Variants in PAFAH1B3 observed in about 807,000 individuals in gnomAD.
PAFAH1B3 encodes platelet-activating factor acetylhydrolase IB subunit alpha1.
Under a neutral mutation model 24.4 loss-of-function variants are expected in PAFAH1B3, and 15 were observed. The observed-to-expected ratio is 0.62, with a 90% CI of 0.41 to 0.95. The LOEUF is 0.95. Ranked by LOEUF, PAFAH1B3 falls within the 40% of genes least tolerant of loss-of-function variation. The pLI is 0.00. For missense variants in PAFAH1B3, 266 were observed against 312.2 expected, an observed-to-expected ratio of 0.85 and a Z score of 1.12; for synonymous variants, 144 against 126.5, an observed-to-expected ratio of 1.14 and a Z score of -0.93.
chr19:42,302,126 G>T, intron 1 of PAFAH1B3, 87 bp from the exon 2 acceptor site: 1 of 1,489,524 alleles, frequency 6.7e-7, no homozygotes, highest in Non-Finnish European at 9.2e-7. Flanking sequence ...CTCCTCAACT[G>T]CCCTCAGTTT....
intron 4 of PAFAH1B3, 179 bp downstream of exon 4, chr19:42,299,791 G>A: frequency 1.2e-6 from 1 of 817,126 alleles, no homozygotes; most frequent in Admixed American, 2.4e-5. Flanking sequence ...AGGCTAATTG[G>A]TCTCGGAGCA....
intron 2 of PAFAH1B3, 105 bp downstream of exon 2, chr19:42,301,845 C>T: frequency 1.1e-6 from 1 of 873,934 alleles, no homozygotes; most frequent in Non-Finnish European, 1.8e-6. Context: ...TGCCTGAGGC[C>T]AATCTGGGTA....
chr19:42,299,796 G>A lies in PAFAH1B3; in HGVS notation c.408+174C>T, dbSNP rs1472645138. On this transcript the variant is annotated intron_variant, in intron 4 of 4. Coordinates refer to ENST00000262890, the MANE Select transcript of PAFAH1B3 (RefSeq NM_002573.4). ...TGGGCAAAAAAGGCTAATTGGTCTC[G>A]GAGCATATTCTCAACCACAGCCACT... The A allele has an allele frequency of 6.1e-5, 51 of 836,866 alleles. No homozygotes were observed. The East Asian group carries it at 9.9e-4, about 16-fold the overall frequency. The allele number at this position is 836,866 out of a possible 1,614,324, so 51.8% of individuals were successfully genotyped here.
intron 4 of PAFAH1B3, 73 bp downstream of exon 4, chr19:42,299,897 G>A (rs1029762737): frequency 5.7e-6 from 9 of 1,588,416 alleles, no homozygotes; most frequent in South Asian, 5.6e-5. Flanking sequence ...CTAGAACTGT[G>A]CCAACTGTGG....
chr19:42,297,401 C>T (rs2038545257), intron 4 of PAFAH1B3, 36 bp from the exon 5 acceptor site: 3 of 1,422,980 alleles, frequency 2.1e-6, no homozygotes, highest in Non-Finnish European at 2.8e-6. Context: ...AGGAAACAAG[C>T]ATTTGAGTAT....
At chr19:42,297,412 CTT>C (rs1374337238) in intron 4 of PAFAH1B3, 47 bp from the exon 5 acceptor site, 1 of 1,313,232 alleles carries the variant, frequency 7.6e-7, no homozygotes, top group Admixed American at 2.0e-5. Flanking sequence ...ATTTGAGTAT[CTT>C]GTTCTCTGTG....
chr19:42,298,830 T>C (rs2038575576), intron 4 of PAFAH1B3, among the ~76,000 whole-genome samples: 1 of 152,034 alleles, frequency 6.6e-6, no homozygotes, highest in Non-Finnish European at 1.5e-5. Flanking sequence ...CTTTTTTTTT[T>C]TGAGATGGAG....
rs760479127 is a variant in PAFAH1B3 at position 42,297,325 on chromosome 19, T to A, written c.449A>T (p.Glu150Val). 36 of 1,612,834 alleles carry A rather than the reference T, an allele frequency of 2.2e-5. No individual in the cohort carries two copies. Among genetic ancestry groups the A allele is most frequent in the Middle Eastern group, 1.7e-4 (1 of 6,058 alleles). ...PRGQHPNPLR[E>V]KNRQVNELVR... The stretch of plus-strand genomic sequence containing the variant: ...CAGCTCGTTCACCTGTCGGTTCTTC[T>A]CCCGAAGTGGGTTGGGATGTTGGCC... The change falls in exon 5 of 5, where the codon GAG (glutamate) becomes GTG (valine). Residue 150 changes from glutamate to valine, a missense_variant. By Grantham distance (121) the Glu-to-Val change is moderately radical (BLOSUM62 -2). Transcript: ENST00000262890.
chr19:42,300,206 G>A lies in PAFAH1B3; in HGVS notation c.250C>T (p.Leu84=), dbSNP rs2147384317. 1 of 1,614,234 alleles carries A rather than the reference G, an allele frequency of 6.2e-7. No homozygotes were observed. The highest frequency in any genetic ancestry group is 1.1e-5 in the South Asian group (1 of 91,088). ...GDGTQHVLWR[L]ENGELEHIRP... is the part of the protein sequence containing the mutation. ...ATGTGTTCCAGCTCCCCATTCTCCAGCCGCCACAGTACATGCTGTGTGCCG... is the reference window on the plus strand; with the variant it reads ...ATGTGTTCCAGCTCCCCATTCTCCAACCGCCACAGTACATGCTGTGTGCCG... The change falls in exon 3 of 5, where the codon CTG becomes TTG. Residue 84 remains leucine (L), a synonymous_variant. Coordinates refer to ENST00000262890, the MANE Select transcript of PAFAH1B3 (RefSeq NM_002573.4).
chr19:42,297,302 G>A lies in PAFAH1B3; in HGVS notation c.472C>T (p.Leu158=). 1 of 1,613,918 alleles carries A rather than the reference G, an allele frequency of 6.2e-7. No homozygotes were observed. Reference sequence around the variant, plus strand: ...TGGCCAGCCAGTGCCGCCCGTACCAGCTCGTTCACCTGTCGGTTCTTCTCC... The same window carrying A: ...TGGCCAGCCAGTGCCGCCCGTACCAACTCGTTCACCTGTCGGTTCTTCTCC... The part of the protein sequence containing the change: ...LREKNRQVNE[L]VRAALAGHPR... Residue 158 remains leucine, a synonymous_variant, in exon 5 of 5, where the codon CTG becomes TTG. Transcript: ENST00000262890.
At chr19:42,302,201 ACTC>A (rs1338412875) in intron 1 of PAFAH1B3, 28 bp downstream of exon 1, 1 of 1,561,058 alleles carries the variant, frequency 6.4e-7, no homozygotes, top group African/African-American at 1.4e-5. Flanking sequence ...GCGCCCCCGG[ACTC>A]CTCAATATCC....
rs770555572 is a variant in PAFAH1B3, at chr19:42,300,300, AGTG to A, written c.169-16_169-14del. On this transcript the variant is annotated splice_polypyrimidine_tract_variant and intron_variant, in intron 2 of 4. Transcript: ENST00000262890. Reference sequence around the variant, plus strand: ...GCTCGCGCCAGATCTGTGGGCAAGAAGTGGTGTGGGCAAGAAGTGGTAGGGGCA... The same window carrying A: ...GCTCGCGCCAGATCTGTGGGCAAGAAGTGTGGGCAAGAAGTGGTAGGGGCA... The A allele has an allele frequency of 5.6e-6, 9 of 1,611,744 alleles. No individual in the cohort carries two copies. Among genetic ancestry groups the A allele is most frequent in the South Asian group, 2.2e-5 (2 of 91,032 alleles).
chr19:42,299,045 CTT>C (rs989188727), intron 4 of PAFAH1B3, among the ~76,000 whole-genome samples: 11 of 151,206 alleles, frequency 7.3e-5, no homozygotes, highest in African/African-American at 2.7e-4. Context: ...GATCTCCTGA[CTT>C]TGTGATCCAC....
chr19:42,299,406 T>A (rs918785496), intron 4 of PAFAH1B3, among the ~76,000 whole-genome samples: 4 of 146,808 alleles, frequency 2.7e-5, no homozygotes, highest in African/African-American at 1.0e-4. Context: ...CATGAGCCAC[T>A]GCGCCCAGCC....
At chr19:42,302,155 G>A (rs2038641478) in intron 1 of PAFAH1B3, 77 bp downstream of exon 1, 8 of 1,495,842 alleles carry the variant, frequency 5.3e-6, no homozygotes, top group Non-Finnish European at 7.3e-6. Context: ...GGTAGTGAGA[G>A]TGGCACGAAC....
chr19:42,299,116 C>T (rs994444040), intron 4 of PAFAH1B3, among the ~76,000 whole-genome samples: 57 of 146,474 alleles, frequency 3.9e-4, no homozygotes, highest in Non-Finnish European at 7.2e-4. Flanking sequence ...CCACCGCACC[C>T]GGCTTTTTTT....
intron 1 of PAFAH1B3, 33 bp from the exon 2 acceptor site, chr19:42,302,072 T>C (rs769320043): frequency 2.6e-6 from 4 of 1,545,034 alleles, no homozygotes; most frequent in Non-Finnish European, 3.5e-6. Flanking sequence ...GTCAATGGCA[T>C]GCACGCTCCA....
At chr19:42,300,124 G>A in intron 3 of PAFAH1B3, 32 bp from the exon 4 acceptor site, 7 of 1,613,904 alleles carry the variant, frequency 4.3e-6, no homozygotes, top group Non-Finnish European at 5.9e-6. Context: ...GCAGCGGTGA[G>A]GGGGCAGCCA....
chr19:42,297,231 T>C lies in PAFAH1B3; in HGVS notation c.543A>G (p.Ser181=). 1 of 1,614,102 alleles carries C rather than the reference T, an allele frequency of 6.2e-7. No individual in the cohort carries two copies. Among genetic ancestry groups the C allele is most frequent in the Non-Finnish European group, 8.5e-7 (1 of 1,180,014 alleles). Residue 181 remains serine (S), a synonymous_variant, in exon 5 of 5, where the codon TCA becomes TCG. Transcript: ENST00000262890. ...FLDADPGFVH[S]DGTISHHDMY... is the part of the protein sequence containing the mutation. ...TGTCATGATGGCTGATGGTGCCATC[T>C]GAGTGCACAAAGCCAGGGTCGGCAT... is the stretch of plus-strand genomic sequence containing the variant.
Sources: gnomAD v4.1 joint callset for allele counts (sites outside exome capture counted in the v4.1 genomes callset) on GRCh38, gnomAD v4.1.1 for gene constraint, MANE v1.5 for transcripts, NCBI Gene and HGNC (gene_info 2026-07-23, HGNC 2026-07-21) for gene names.